The following IL3 variants were observed in gnomAD, a reference collection of about 807,000 sequenced individuals.
IL3 encodes interleukin-3.
A neutral mutation model predicts 15.4 loss-of-function variants in IL3; 15 were observed. That is an observed-to-expected ratio of 0.97 (90% CI 0.65 to 1.50). IL3 has a LOEUF of 1.50. Ranked by LOEUF, IL3 falls within the 40% of genes most tolerant of loss-of-function variation. IL3 has a pLI of 0.00. For missense variants in IL3, 162 were observed against 192.2 expected (o/e 0.84, Z 0.93); for synonymous variants, 74 against 79.3 (o/e 0.93, Z 0.36).
Position 132,062,990 on chromosome 5 carries a change from G to T in IL3, c.*199G>T. 1 of 643,808 alleles carries T rather than the reference G, an allele frequency of 1.6e-6. No individual in the cohort carries two copies. 39.9% of individuals were successfully genotyped at this position (643,808 alleles called of 1,614,324 possible). On this transcript the variant is annotated 3_prime_UTR_variant, in exon 5 of 5. Transcript: ENST00000296870. ...AGCTCCCATTTGGCCTTGTGCGGTT[G>T]TGTTCTCATTTTTATCCCATTGAGA...
At position 132,062,375 on chromosome 5, in the gene IL3, G is replaced by A. The variant is rs761206378; in HGVS notation, c.268G>A (p.Ala90Thr). The change falls in exon 3 of 5, where the codon GCA becomes ACA. Residue 90 changes from alanine (A) to threonine (T), a missense_variant. Coordinates refer to ENST00000296870, the MANE Select transcript of IL3 (RefSeq NM_000588.4). The part of the protein sequence containing the change: ...FNRAVKSLQN[A>T]SAIESILKNL... The stretch of plus-strand genomic sequence containing the variant: ...CAGGGCTGTCAAGAGTTTACAGAAC[G>A]CATCAGCAATTGAGAGCATTCTTAA... The A allele has an allele frequency of 1.7e-5, 27 of 1,613,984 alleles. No homozygotes were observed. Among genetic ancestry groups the A allele is most frequent in the South Asian group, 1.4e-4 (13 of 91,084 alleles).
At chr5:132,061,045 G>C (rs375032963) in intron 2 of IL3, 37 bp downstream of exon 2, 2 of 1,605,140 alleles carry the variant, frequency 1.2e-6, no homozygotes, top group Non-Finnish European at 1.7e-6. Flanking sequence ...TCCACTTCCT[G>C]CCTGGGTGAC....
At position 132,062,781 on chromosome 5, in the gene IL3, C is replaced by G; in HGVS notation, c.449C>G (p.Ala150Gly). ...AQAQQTTLSL[A>G]IF ...GCTCAACAGACGACTTTGAGCCTCG[C>G]GATCTTTTGAGTCCAACGTCCAGCT... is the stretch of plus-strand genomic sequence containing the variant. The change falls in exon 5 of 5, where the codon GCG (alanine) becomes GGG (glycine). Residue 150 changes from alanine (A) to glycine (G), a missense_variant. Ala to Gly is a moderately conservative substitution (Grantham distance 60). Coordinates refer to ENST00000296870, the MANE Select transcript of IL3 (RefSeq NM_000588.4). The G allele has an allele frequency of 6.2e-7, 1 of 1,613,258 alleles. No homozygotes were observed.
intron 2 of IL3, among the ~76,000 whole-genome samples, chr5:132,061,227 T>C (rs941703632): frequency 2.0e-5 from 3 of 152,236 alleles, no homozygotes; most frequent in African/African-American, 7.2e-5. Flanking sequence ...ATGGCTATAA[T>C]AATGAAAATG....
chr5:132,062,779 C>T lies in IL3; in HGVS notation c.447C>T (p.Leu149=), dbSNP rs573706059. Residue 149 remains leucine (L), a synonymous_variant, in exon 5 of 5, where the codon CTC becomes CTT. Coordinates refer to ENST00000296870, the MANE Select transcript of IL3 (RefSeq NM_000588.4). ...AGGCTCAACAGACGACTTTGAGCCT[C>T]GCGATCTTTTGAGTCCAACGTCCAG... ...NAQAQQTTLS[L]AIF is the part of the protein sequence containing the mutation. 1.1e-5 allele frequency: 17 copies of T among 1,613,240 alleles called. No individual in the cohort carries two copies. Among genetic ancestry groups the T allele is most frequent in the Middle Eastern group, 1.6e-4 (1 of 6,084 alleles).
In IL3 at chr5:132,060,867, T is replaced by C; in HGVS notation, c.161T>C (p.Leu54Pro). ...THLKQPPLPL[L>P]DFNNLNGEDQ... ...TTAAAGCAGCCACCTTTGCCTTTGC[T>C]GGTGAGTAGCTTGGATAAGACTGGC... The change falls in exon 1 of 5, where the codon CTG (leucine) becomes CCG (proline). Residue 54 changes from leucine (L) to proline (P), a missense_variant and splice_region_variant. Transcript: ENST00000296870. 3.7e-6 allele frequency: 6 copies of C among 1,613,950 alleles called. No homozygotes were observed. The highest frequency in any genetic ancestry group is 4.2e-6 in the Non-Finnish European group (5 of 1,179,778).
intron 3 of IL3, 59 bp from the exon 4 acceptor site, chr5:132,062,467 C>T (rs550576332): frequency 6.2e-7 from 1 of 1,613,162 alleles, no homozygotes; most frequent in African/African-American, 1.3e-5. Context: ...GGGAGGAGAG[C>T]AGGGCCCACT....
chr5:132,061,920 C>G (rs1298583536), intron 2 of IL3, among the ~76,000 whole-genome samples: 1 of 152,122 alleles, frequency 6.6e-6, no homozygotes, highest in African/African-American at 2.4e-5. Flanking sequence ...AGGCATGCAC[C>G]ACCACTCCCA....
chr5:132,061,091 T>C, intron 2 of IL3, 83 bp downstream of exon 2: 2 of 1,285,192 alleles, frequency 1.6e-6, no homozygotes, highest in Non-Finnish European at 2.3e-6. Context: ...TAGCCTTGCT[T>C]TCTTCATCTG....
In IL3 at chr5:132,060,896, C is replaced by A. The variant is rs201824812; in HGVS notation, c.162+28C>A. 1,692 of 1,611,114 alleles carry A rather than the reference C, an allele frequency of 1.1e-3. 24 individuals are homozygous for A. Among genetic ancestry groups the A allele is most frequent in the Admixed American group, 1.2e-3 (75 of 60,024 alleles). On this transcript the variant is annotated intron_variant, in intron 1 of 4. Coordinates refer to ENST00000296870, the MANE Select transcript of IL3 (RefSeq NM_000588.4). ...GAGTAGCTTGGATAAGACTGGCCTG[C>A]AGCAGTGAGGGGTGGTGGCTGCCTA...
chr5:132,061,111 G>C, intron 2 of IL3, 103 bp downstream of exon 2: 3 of 1,000,098 alleles, frequency 3.0e-6, no homozygotes, highest in Non-Finnish European at 4.7e-6. Context: ...GTAAAATAGG[G>C]TTAATAGCAC....
rs55953031 is a variant in IL3 at position 132,061,420 on chromosome 5, A to G, written c.204+412A>G. 4.4e-3 allele frequency among the ~76,000 whole-genome samples: 673 copies of G among 152,168 alleles called. 1 individual carries two copies. Among genetic ancestry groups the G allele is most frequent in the African/African-American group, 0.015 (623 of 41,514 alleles). ...CACCCTCATTGGCTGTGGCATTATC[A>G]TTTACAGTTATTTTTCATGGTTCCA... On this transcript the variant is annotated intron_variant, in intron 2 of 4. Transcript: ENST00000296870.
chr5:132,062,211 C>T (rs1756492272), intron 2 of IL3, 101 bp from the exon 3 acceptor site: 2 of 966,752 alleles, frequency 2.1e-6, no homozygotes, highest in East Asian at 4.8e-5. Context: ...CGAGGATGTC[C>T]CCAACAGTGG....
chr5:132,061,346 T>A (rs1035623587), intron 2 of IL3, among the ~76,000 whole-genome samples: 1 of 152,248 alleles, frequency 6.6e-6, no homozygotes, highest in Non-Finnish European at 1.5e-5. Flanking sequence ...AATTTCCCCC[T>A]CAGATGTGCC....
intron 2 of IL3, 103 bp downstream of exon 2, chr5:132,061,111 G>A (rs1756470136): frequency 2.0e-6 from 2 of 1,000,098 alleles, no homozygotes; most frequent in Admixed American, 1.9e-5. Flanking sequence ...GTAAAATAGG[G>A]TTAATAGCAC....
intron 4 of IL3, 45 bp from the exon 5 acceptor site, chr5:132,062,624 T>C: frequency 1.2e-6 from 2 of 1,613,384 alleles, no homozygotes; most frequent in East Asian, 2.2e-5. Context: ...TCATCACCAT[T>C]ACAGCCTGGA....
At chr5:132,061,684 C>T (rs1039362882) in intron 2 of IL3, among the ~76,000 whole-genome samples, 2 of 152,034 alleles carry the variant, frequency 1.3e-5, no homozygotes, top group Non-Finnish European at 2.9e-5. Context: ...CTTGGAAAAC[C>T]CCCTGTCTTT....
chr5:132,061,059 A>G, intron 2 of IL3, 51 bp downstream of exon 2: 2 of 1,561,600 alleles, frequency 1.3e-6, no homozygotes, highest in Non-Finnish European at 1.8e-6. Flanking sequence ...GGGTGACTTC[A>G]GCCATGTCAT....
At chr5:132,061,717 AT>A (rs371967773) in intron 2 of IL3, among the ~76,000 whole-genome samples, 179 of 149,036 alleles carry the variant, frequency 1.2e-3, no homozygotes, top group African/African-American at 4.2e-3. Context: ...TTTTGGAGAT[AT>A]TTTTTCCCCC....
Sources: gnomAD v4.1 joint callset for allele counts (sites outside exome capture counted in the v4.1 genomes callset) on GRCh38, gnomAD v4.1.1 for gene constraint, MANE v1.5 for transcripts, NCBI Gene and HGNC (gene_info 2026-07-23, HGNC 2026-07-21) for gene names.